The following CFAP47 variants were observed in gnomAD, a reference collection of about 807,000 sequenced individuals.
CFAP47 encodes the protein cilia- and flagella-associated protein 47.
CFAP47 carries 29 observed loss-of-function variants against 148.1 expected under a neutral mutation model. That is an observed-to-expected ratio of 0.20 (90% CI 0.15 to 0.27). The LOEUF is 0.27. CFAP47 is among the 10% of genes least tolerant of loss of function. CFAP47 has a pLI of 1.00. For missense variants in CFAP47, 1,872 were observed against 1,697.5 expected, an observed-to-expected ratio of 1.10 and a Z score of -1.81; for synonymous variants, 664 against 577.3, an observed-to-expected ratio of 1.15 and a Z score of -2.15.
intron 62 of CFAP47, among the ~76,000 whole-genome samples, chrX:36,377,409 G>A (rs908971035): frequency 1.8e-5 from 2 of 112,315 alleles, no homozygotes; most frequent in Admixed American, 1.9e-4. Flanking sequence ...TCTGTTGGCT[G>A]CATAAATGTC....
chrX:36,214,819 C>T (rs1426194734), intron 45 of CFAP47, among the ~76,000 whole-genome samples: 1 of 110,680 alleles, frequency 9.0e-6, no homozygotes, highest in Non-Finnish European at 1.9e-5. Flanking sequence ...ACTATAATAA[C>T]AATATTTTAT....
intron 30 of CFAP47, among the ~76,000 whole-genome samples, chrX:36,094,860 C>T (rs1056431234): frequency 3.6e-5 from 4 of 110,434 alleles, no homozygotes; most frequent in Middle Eastern, 4.3e-3. Context: ...TTTGTATGCT[C>T]CTTATTTTTT....
At chrX:36,189,424 A>G (rs781870382) in intron 41 of CFAP47, among the ~76,000 whole-genome samples, 1 of 110,901 alleles carries the variant, frequency 9.0e-6, no homozygotes, top group East Asian at 2.8e-4. Context: ...TTAAGTTCTA[A>G]AGTGAGGTGA....
intron 58 of CFAP47, among the ~76,000 whole-genome samples, chrX:36,349,254 A>T (rs924304397): frequency 6.3e-5 from 7 of 111,205 alleles, no homozygotes; most frequent in Middle Eastern, 9.2e-3. Flanking sequence ...ATGATCATAA[A>T]TTTTTTTAAT....
chrX:36,165,809 C>CT (rs1407071617), intron 39 of CFAP47, among the ~76,000 whole-genome samples: 1 of 111,075 alleles, frequency 9.0e-6, no homozygotes, highest in African/African-American at 3.3e-5. Context: ...CTCATTTTGT[C>CT]TTTTTTCTGT....
chrX:35,943,128 G>A, intron 3 of CFAP47, among the ~76,000 whole-genome samples: 1 of 111,531 alleles, frequency 9.0e-6, no homozygotes, highest in East Asian at 2.8e-4. Flanking sequence ...GTGTCATAAA[G>A]TCCTTATCAT....
chrX:36,359,571 C>T (rs1941811046), intron 60 of CFAP47, among the ~76,000 whole-genome samples: 2 of 111,159 alleles, frequency 1.8e-5, no homozygotes, highest in South Asian at 7.5e-4. Context: ...TTACATTATT[C>T]TGCATTTGTA....
At chrX:36,030,270 A>G (rs1937265652) in intron 22 of CFAP47, among the ~76,000 whole-genome samples, 1 of 111,545 alleles carries the variant, frequency 9.0e-6, no homozygotes, top group Non-Finnish European at 1.9e-5. Flanking sequence ...TGTGATAGGC[A>G]GAGTATAACT....
intron 8 of CFAP47, among the ~76,000 whole-genome samples, chrX:35,964,811 T>A (rs928010258): frequency 3.7e-4 from 41 of 112,001 alleles, no homozygotes; most frequent in African/African-American, 1.3e-3. Flanking sequence ...TTTGTTCTTT[T>A]TTATAATTTC....
At chrX:35,971,107 T>A (rs780082700) in intron 11 of CFAP47, among the ~76,000 whole-genome samples, 184 bp downstream of exon 11, 41 of 112,128 alleles carry the variant, frequency 3.7e-4, no homozygotes, top group African/African-American at 1.2e-3. Context: ...TAACTCGGAA[T>A]TGTCTTAGAT....
At chrX:36,011,765 T>C (rs1327901828) in intron 21 of CFAP47, among the ~76,000 whole-genome samples, 2 of 111,950 alleles carry the variant, frequency 1.8e-5, no homozygotes, top group African/African-American at 6.5e-5. Flanking sequence ...CTTTGTCAGA[T>C]GGGTAGATTG....
At chrX:36,319,475 CATAT>C (rs782171431) in intron 57 of CFAP47, among the ~76,000 whole-genome samples, 168 bp downstream of exon 57, 1 of 105,356 alleles carries the variant, frequency 9.5e-6, no homozygotes. Context: ...GATGGTAAAA[CATAT>C]ATATATATAT....
chrX:35,927,192 A>G (rs1281764770), intron 2 of CFAP47, among the ~76,000 whole-genome samples: 1 of 109,293 alleles, frequency 9.1e-6, no homozygotes, highest in Non-Finnish European at 1.9e-5. Flanking sequence ...TTTCATTTCT[A>G]TAAACTAAAT....
At chrX:36,243,134 C>A (rs1940566577) in intron 48 of CFAP47, among the ~76,000 whole-genome samples, 1 of 111,229 alleles carries the variant, frequency 9.0e-6, no homozygotes, top group Admixed American at 9.6e-5. Flanking sequence ...TAATCAAATG[C>A]TGAGGGAATT....
chrX:36,222,331 T>G (rs1940221199), intron 45 of CFAP47, among the ~76,000 whole-genome samples: 1 of 110,308 alleles, frequency 9.1e-6, no homozygotes, highest in East Asian at 2.8e-4. Context: ...CTTTTCTTCC[T>G]TTCTTTCCTT....
In CFAP47 at chrX:35,924,086, T is replaced by C. The variant is rs190494153; in HGVS notation, c.250-1931T>C. On this transcript the variant is annotated intron_variant, in intron 1 of 63. Coordinates refer to ENST00000378653, the MANE Select transcript of CFAP47 (RefSeq NM_001304548.2). The stretch of plus-strand genomic sequence containing the variant: ...GCACATATATGTATATATGTACATG[T>C]ATGCGTACATATATGTATATATGTA... Among the ~76,000 whole-genome samples, 267 of 96,793 alleles carry C rather than the reference T, an allele frequency of 2.8e-3. 9 individuals are homozygous for C. The highest frequency in any genetic ancestry group is 0.01 in the African/African-American group (255 of 24,345). The allele number at this position is 96,793 out of a possible 115,157, so 84.1% of individuals were successfully genotyped here.
intron 18 of CFAP47, among the ~76,000 whole-genome samples, chrX:35,995,996 A>G (rs917545499): frequency 2.7e-4 from 30 of 111,620 alleles, no homozygotes; most frequent in Admixed American, 2.4e-3. Context: ...AGGGAGTTGT[A>G]AAAATGAGAC....
intron 18 of CFAP47, among the ~76,000 whole-genome samples, chrX:35,995,714 G>A (rs761444512): frequency 3.1e-4 from 35 of 111,369 alleles, no homozygotes; most frequent in Non-Finnish European, 5.7e-4. Flanking sequence ...ATATATACTG[G>A]TCTGAAGGCT....
At chrX:36,239,297 C>G (rs1453020432) in intron 48 of CFAP47, among the ~76,000 whole-genome samples, 2 of 112,223 alleles carry the variant, frequency 1.8e-5, no homozygotes, top group African/African-American at 6.5e-5. Context: ...TTTCAGTGAT[C>G]TTGAAATTAA....
Sources: gnomAD v4.1 joint callset for allele counts (sites outside exome capture counted in the v4.1 genomes callset) on GRCh38, gnomAD v4.1.1 for gene constraint, MANE v1.5 for transcripts, NCBI Gene and HGNC (gene_info 2026-07-23, HGNC 2026-07-21) for gene names.